The following KIAA1217 variants were observed in gnomAD, a reference collection of about 807,000 sequenced individuals.
The protein encoded by KIAA1217 is sickle tail protein homolog.
A neutral mutation model predicts 163.9 loss-of-function variants in KIAA1217; 88 were observed. That is an observed-to-expected ratio of 0.54 (90% CI 0.45 to 0.64). The LOEUF (loss-of-function observed/expected upper bound fraction) is 0.64. Among genes scored for constraint, KIAA1217 ranks in the 30% least tolerant of loss-of-function variants. The probability of loss-of-function intolerance (pLI) is 0.00; values close to 1 mark genes in which losing one functional copy is unlikely to be tolerated. For missense variants in KIAA1217, 2,372 were observed against 2,475.0 expected, an observed-to-expected ratio of 0.96 and a Z score of 0.88; for synonymous variants, 903 against 923.1, an observed-to-expected ratio of 0.98 and a Z score of 0.39.
intron 2 of KIAA1217, among the ~76,000 whole-genome samples, chr10:24,026,704 AT>A (rs1245639537): frequency 4.9e-5 from 4 of 82,242 alleles, no homozygotes; most frequent in East Asian, 8.1e-4. Flanking sequence ...GGTTACATTG[AT>A]TTTTTTTTCC....
At chr10:23,738,321 T>C (rs1838922306) in intron 1 of KIAA1217, among the ~76,000 whole-genome samples, 1 of 152,214 alleles carries the variant, frequency 6.6e-6, no homozygotes, top group Non-Finnish European at 1.5e-5. Context: ...CTCTCATATC[T>C]CTGATTATTG....
chr10:24,075,545 C>G (rs1467184935), intron 2 of KIAA1217, among the ~76,000 whole-genome samples: 1 of 151,600 alleles, frequency 6.6e-6, no homozygotes, highest in Admixed American at 6.6e-5. Flanking sequence ...ATCGTCCCTT[C>G]CATGGCTTCC....
chr10:24,520,641 A>ATAT (rs1554926651), intron 11 of KIAA1217, among the ~76,000 whole-genome samples: 9 of 87,050 alleles, frequency 1.0e-4, no homozygotes, highest in African/African-American at 5.4e-4. Flanking sequence ...AAAAAAAAAA[A>ATAT]AAAAAAAAAA....
chr10:24,087,335 G>A (rs116923958), intron 2 of KIAA1217, among the ~76,000 whole-genome samples: 2,119 of 152,276 alleles, frequency 0.014, 34 homozygotes, highest in Middle Eastern at 0.054. Flanking sequence ...TGCTTCTAAA[G>A]TGAGGGTTCA....
chr10:24,438,595 C>T lies in KIAA1217; in HGVS notation c.846+116C>T, dbSNP rs1420532767. On this transcript the variant is annotated intron_variant, in intron 5 of 20. Transcript: ENST00000376454. Reference sequence around the variant, plus strand: ...ACTGAGTTTTGGAGGGTTCTCCGCACTCATCTCACCTAGTGGATCATTATT... The same window carrying T: ...ACTGAGTTTTGGAGGGTTCTCCGCATTCATCTCACCTAGTGGATCATTATT... 4 of 666,774 alleles carry T rather than the reference C, an allele frequency of 6.0e-6. No individual in the cohort carries two copies. In the African/African-American group the frequency reaches 7.2e-5, roughly 12 times the overall value. The allele number at this position is 666,774 out of a possible 1,614,324, so 41.3% of individuals were successfully genotyped here.
At chr10:24,425,932 C>T (rs2131633313) in intron 3 of KIAA1217, among the ~76,000 whole-genome samples, 2 of 152,278 alleles carry the variant, frequency 1.3e-5, no homozygotes, top group South Asian at 4.1e-4. Flanking sequence ...TAAAAACTTA[C>T]CTTGCTATTT....
At chr10:24,158,514 G>T in intron 2 of KIAA1217, 1 of 519,092 alleles carries the variant, frequency 1.9e-6, no homozygotes, top group South Asian at 1.4e-5. Flanking sequence ...CCAAAGATGG[G>T]AGGATTTTTA....
At chr10:23,880,680 G>A (rs530742133) in intron 1 of KIAA1217, among the ~76,000 whole-genome samples, 12 of 152,042 alleles carry the variant, frequency 7.9e-5, no homozygotes, top group South Asian at 4.1e-4. Flanking sequence ...ATTATTATGC[G>A]TGGCATGCTT....
chr10:24,270,569 T>G (rs189665011), intron 2 of KIAA1217, among the ~76,000 whole-genome samples: 3 of 152,312 alleles, frequency 2.0e-5, no homozygotes, highest in Non-Finnish European at 4.4e-5. Context: ...CTTTCTTTTT[T>G]TCACCCTGTT....
intron 2 of KIAA1217, among the ~76,000 whole-genome samples, chr10:24,181,544 T>G (rs1158378366): frequency 6.6e-6 from 1 of 152,096 alleles, no homozygotes; most frequent in African/African-American, 2.4e-5. Flanking sequence ...AGTTTGGAAC[T>G]TACCAAATGT....
intron 2 of KIAA1217, among the ~76,000 whole-genome samples, chr10:24,019,312 A>G (rs1167699304): frequency 6.6e-6 from 1 of 152,108 alleles, no homozygotes; most frequent in African/African-American, 2.4e-5. Flanking sequence ...CCATAAATAT[A>G]TACAATTTGG....
intron 1 of KIAA1217, among the ~76,000 whole-genome samples, chr10:23,822,488 A>G (rs146630906): frequency 0.021 from 3,146 of 152,284 alleles, 56 homozygotes; most frequent in Middle Eastern, 0.034. Flanking sequence ...TGCAAAATTG[A>G]TATTTGTCTT....
chr10:24,014,039 T>G (rs1256085796), intron 2 of KIAA1217, among the ~76,000 whole-genome samples: 1 of 152,182 alleles, frequency 6.6e-6, no homozygotes, highest in Non-Finnish European at 1.5e-5. Flanking sequence ...TTATACTTTC[T>G]TGACAGGCAG....
intron 1 of KIAA1217, among the ~76,000 whole-genome samples, chr10:23,810,852 T>A (rs1313150434): frequency 2.4e-5 from 3 of 123,244 alleles, no homozygotes; most frequent in Non-Finnish European, 3.2e-5. Context: ...GGTATATATA[T>A]TATATAGTAT....
At chr10:24,505,667 C>T (rs904261221) in intron 9 of KIAA1217, among the ~76,000 whole-genome samples, 6 of 152,068 alleles carry the variant, frequency 3.9e-5, no homozygotes, top group African/African-American at 1.4e-4. Flanking sequence ...CCTCCTACTT[C>T]TTTCATCCCC....
chr10:23,784,185 G>A (rs777104355), intron 1 of KIAA1217, among the ~76,000 whole-genome samples: 1 of 151,976 alleles, frequency 6.6e-6, no homozygotes, highest in Non-Finnish European at 1.5e-5. Context: ...TCATTTAATA[G>A]TGAACTTCTT....
At chr10:24,261,888 G>A (rs902713085) in intron 2 of KIAA1217, among the ~76,000 whole-genome samples, 5 of 152,206 alleles carry the variant, frequency 3.3e-5, no homozygotes, top group African/African-American at 1.2e-4. Context: ...ACTAAGCCAA[G>A]ACACAGTAGA....
chr10:24,431,203 G>C (rs1181327852), intron 3 of KIAA1217, among the ~76,000 whole-genome samples: 1 of 152,112 alleles, frequency 6.6e-6, no homozygotes, highest in Admixed American at 6.5e-5. Context: ...TATTACATGG[G>C]CTGCCATATT....
chr10:23,782,135 G>C (rs1017768767), intron 1 of KIAA1217, among the ~76,000 whole-genome samples: 5 of 151,912 alleles, frequency 3.3e-5, no homozygotes, highest in African/African-American at 9.7e-5. Context: ...ATTGCATTGT[G>C]TCTGTATATT....
Sources: gnomAD v4.1 joint callset for allele counts (sites outside exome capture counted in the v4.1 genomes callset) on GRCh38, gnomAD v4.1.1 for gene constraint, MANE v1.5 for transcripts, NCBI Gene and HGNC (gene_info 2026-07-23, HGNC 2026-07-21) for gene names.